BGN: variants seen among roughly 807,000 people sequenced by gnomAD.
BGN encodes the protein bone/cartilage proteoglycan-I.
BGN carries 6 observed loss-of-function variants against 20.0 expected under a neutral mutation model. The observed-to-expected ratio is 0.30, with a 90% CI of 0.16 to 0.59. BGN has a LOEUF of 0.59. Ranked by LOEUF, BGN falls within the 20% of genes least tolerant of loss-of-function variation. The pLI is 0.88. For synonymous variants in BGN, 146 were observed against 134.6 expected (o/e 1.08, Z -0.59); for missense variants, 292 against 312.1 (o/e 0.94, Z 0.49).
chrX:153,496,643 C>G (rs2124210917), intron 1 of BGN, among the ~76,000 whole-genome samples: 1 of 112,602 alleles, frequency 8.9e-6, no homozygotes, highest in African/African-American at 3.2e-5. Flanking sequence ...CTTCAAGCCC[C>G]AAGGACCCGT....
intron 1 of BGN, among the ~76,000 whole-genome samples, chrX:153,501,044 A>G (rs966991187): frequency 9.1e-6 from 1 of 109,552 alleles, no homozygotes; most frequent in Non-Finnish European, 1.9e-5. Context: ...GGATGTGTGC[A>G]TGTATGTGGA....
At chrX:153,507,964 C>T (rs1197008214) in intron 7 of BGN, among the ~76,000 whole-genome samples, 4 of 113,135 alleles carry the variant, frequency 3.5e-5, no homozygotes, top group Non-Finnish European at 7.5e-5. Context: ...TCCTCCACCT[C>T]ACACCACCAA....
chrX:153,500,127 T>G (rs1322190281), intron 1 of BGN, among the ~76,000 whole-genome samples: 3 of 112,861 alleles, frequency 2.7e-5, no homozygotes, highest in African/African-American at 9.6e-5. Context: ...GCACGGACCC[T>G]CCATGTTCTC....
chrX:153,505,661 G>A (rs1333837508), intron 3 of BGN, among the ~76,000 whole-genome samples: 1 of 112,145 alleles, frequency 8.9e-6, no homozygotes, highest in Non-Finnish European at 1.9e-5. Flanking sequence ...AGGAAACTGA[G>A]GCTTGGAGCG....
chrX:153,497,182 G>A (rs1556990969), intron 1 of BGN, among the ~76,000 whole-genome samples: 1 of 104,196 alleles, frequency 9.6e-6, no homozygotes, highest in Non-Finnish European at 2.0e-5. Context: ...CTGTGGGCCG[G>A]AGAGCTTGGT....
At chrX:153,506,505 G>A (rs781882458) in intron 4 of BGN, 24 bp from the exon 5 acceptor site, 7 of 1,189,910 alleles carry the variant, frequency 5.9e-6, no homozygotes, top group Non-Finnish European at 8.0e-6. Flanking sequence ...CCAGGCTCCC[G>A]GGCTAATGAG....
intron 1 of BGN, among the ~76,000 whole-genome samples, chrX:153,495,826 G>A (rs1218789004): frequency 8.8e-6 from 1 of 113,138 alleles, no homozygotes; most frequent in African/African-American, 3.2e-5. Flanking sequence ...CTGACTGGGG[G>A]TGCCTGGGTG....
At chrX:153,498,290 G>A (rs1337774919) in intron 1 of BGN, among the ~76,000 whole-genome samples, 2 of 112,943 alleles carry the variant, frequency 1.8e-5, no homozygotes, top group African/African-American at 6.4e-5. Context: ...TTTGGTCCCT[G>A]AGGTGTTCAG....
At chrX:153,501,824 C>T (rs1225979217) in intron 1 of BGN, among the ~76,000 whole-genome samples, 2 of 112,571 alleles carry the variant, frequency 1.8e-5, no homozygotes, top group Admixed American at 9.3e-5. Context: ...ATGGGCCTTC[C>T]AGCCCTCAGC....
At chrX:153,501,175 T>C (rs782793712) in intron 1 of BGN, among the ~76,000 whole-genome samples, 1 of 110,926 alleles carries the variant, frequency 9.0e-6, no homozygotes, top group Admixed American at 9.5e-5. Context: ...TGAGCGTGTA[T>C]GTGTGCATCT....
chrX:153,499,904 G>A lies in BGN; in HGVS notation c.-11-4717G>A, dbSNP rs1057234270. Among the ~76,000 whole-genome samples the A allele has an allele frequency of 2.7e-5, 3 of 113,112 alleles. No homozygotes were observed. The Admixed American group carries it at 2.8e-4, about 10-fold the overall frequency. On this transcript the variant is annotated intron_variant, in intron 1 of 7. Coordinates refer to ENST00000331595, the MANE Select transcript of BGN (RefSeq NM_001711.6). ...GGGAGGGGAGGAAGGACACAGTCCC[G>A]GGGACCCCGCAGGGCTGCGTGGAAG... is the stretch of plus-strand genomic sequence containing the variant.
intron 2 of BGN, 105 bp downstream of exon 2, chrX:153,504,974 G>C: frequency 1.1e-6 from 1 of 887,689 alleles, no homozygotes. Context: ...ACGGTGGCGA[G>C]CATGATGTAA....
rs1388188871 is a variant in BGN, at chrX:153,508,529, A to C, written c.*84A>C. 2.8e-6 allele frequency: 3 copies of C among 1,076,035 alleles called. No individual in the cohort carries two copies. The highest frequency in any genetic ancestry group is 5.0e-5 in the Admixed American group (2 of 39,850). The allele number at this position is 1,076,035 out of a possible 1,213,427, so 88.7% of individuals were successfully genotyped here. On this transcript the variant is annotated 3_prime_UTR_variant, in exon 8 of 8. Coordinates refer to ENST00000331595, the MANE Select transcript of BGN (RefSeq NM_001711.6). ...TCCTGATGGGGAGGCAGAGCCAGGA[A>C]GCTAAGCCAGGGCCCAGCTGCGTCC...
chrX:153,505,997 G>T lies in BGN; in HGVS notation c.486G>T (p.Val162=). The part of the protein sequence containing the change: ...EIPPNLPSSL[V]ELRIHDNRIR... ...CGCCCAACCTACCCAGCTCCCTGGT[G>T]GAGCTCCGCATCCACGACAACCGCA... Residue 162 remains valine (V), a synonymous_variant, in exon 4 of 8, where the codon GTG becomes GTT. Coordinates refer to ENST00000331595, the MANE Select transcript of BGN (RefSeq NM_001711.6). 1 of 1,211,919 alleles carries T rather than the reference G, an allele frequency of 8.3e-7. No individual in the cohort carries two copies.
In BGN at chrX:153,505,305, C is replaced by T; in HGVS notation, c.306C>T (p.Ile102=). The T allele has an allele frequency of 8.3e-7, 1 of 1,210,833 alleles. No homozygotes were observed. The highest frequency in any genetic ancestry group is 1.1e-6 in the Non-Finnish European group (1 of 894,767). The change falls in exon 3 of 8, where the codon ATC becomes ATT. Residue 102 remains isoleucine (I), a synonymous_variant. Coordinates refer to ENST00000331595, the MANE Select transcript of BGN (RefSeq NM_001711.6). ...TTLLDLQNND[I]SELRKDDFKG... ...TGCTGGACCTGCAGAACAACGACAT[C>T]TCCGAGCTCCGCAAGGATGACTTCA...
intron 2 of BGN, 58 bp downstream of exon 2, chrX:153,504,927 A>T (rs1053182361): frequency 1.1e-5 from 12 of 1,079,484 alleles, no homozygotes; most frequent in Non-Finnish European, 1.4e-5. Context: ...GCAGCCTGAG[A>T]GCCCCTTCTG....
At chrX:153,504,929 C>A in intron 2 of BGN, 60 bp downstream of exon 2, 1 of 1,079,811 alleles carries the variant, frequency 9.3e-7, no homozygotes, top group Non-Finnish European at 1.3e-6. Flanking sequence ...AGCCTGAGAG[C>A]CCCTTCTGAA....
chrX:153,507,561 C>T lies in BGN; in HGVS notation c.909+376C>T, dbSNP rs782627369. Among the ~76,000 whole-genome samples, 11 of 113,058 alleles carry T rather than the reference C, an allele frequency of 9.7e-5. No individual in the cohort carries two copies. In the Admixed American group the frequency reaches 1.0e-3, roughly 10 times the overall value. On this transcript the variant is annotated intron_variant, in intron 7 of 7. Coordinates refer to ENST00000331595, the MANE Select transcript of BGN (RefSeq NM_001711.6). ...AGCAGGGTCTTGCCTGGGATTCTATCGGGAGCTTCCATCCCTGGCCTGGCC... is the reference window on the plus strand; with the variant it reads ...AGCAGGGTCTTGCCTGGGATTCTATTGGGAGCTTCCATCCCTGGCCTGGCC...
chrX:153,496,989 C>G (rs1489376760), intron 1 of BGN, among the ~76,000 whole-genome samples: 1 of 86,984 alleles, frequency 1.1e-5, no homozygotes, highest in African/African-American at 4.3e-5. Context: ...TCCAGCCTGC[C>G]CGGGAGTCAC....
Sources: gnomAD v4.1 joint callset for allele counts (sites outside exome capture counted in the v4.1 genomes callset) on GRCh38, gnomAD v4.1.1 for gene constraint, MANE v1.5 for transcripts, NCBI Gene and HGNC (gene_info 2026-07-23, HGNC 2026-07-21) for gene names.